The following CACNA2D3 variants were observed in gnomAD, a reference collection of about 807,000 sequenced individuals.
The protein encoded by CACNA2D3 is voltage-dependent calcium channel subunit alpha-2/delta-3.
CACNA2D3 carries 60 observed loss-of-function variants against 160.6 expected under a neutral mutation model. The observed-to-expected ratio is 0.37, with a 90% CI of 0.30 to 0.46. CACNA2D3 has a LOEUF of 0.46. CACNA2D3 is among the 20% of genes least tolerant of loss of function. The pLI is 1.00. For synonymous variants in CACNA2D3, 558 were observed against 492.9 expected, an observed-to-expected ratio of 1.13 and a Z score of -1.75; for missense variants, 1,205 against 1,365.0, an observed-to-expected ratio of 0.88 and a Z score of 1.85.
intron 29 of CACNA2D3, among the ~76,000 whole-genome samples, chr3:54,975,521 CAAAAAAAAAAAAAA>C (rs55819960): frequency 1.0e-4 from 8 of 77,772 alleles, no homozygotes; most frequent in Admixed American, 7.9e-4. Context: ...ACTTGGTCTC[CAAAAAAAAAAAAAA>C]AAAAAAAAAA....
At chr3:55,073,234 G>A (rs894242749) in intron 35 of CACNA2D3, among the ~76,000 whole-genome samples, 1 of 152,180 alleles carries the variant, frequency 6.6e-6, no homozygotes, top group African/African-American at 2.4e-5. Context: ...TGAGCCGCAT[G>A]TCGTCATAGC....
chr3:54,626,122 GA>G, intron 9 of CACNA2D3: 1 of 618,578 alleles, frequency 1.6e-6, no homozygotes, highest in South Asian at 2.0e-5. Context: ...CCTTTGGGGA[GA>G]AAATAATCCA....
At chr3:55,019,106 T>TCTTTCTTTCTTTCTTTCTTTCTTTCTTC (rs1703392769) in intron 35 of CACNA2D3, among the ~76,000 whole-genome samples, 1 of 151,668 alleles carries the variant, frequency 6.6e-6, no homozygotes, top group African/African-American at 2.4e-5. Context: ...TTTCTTTCTT[T>TCTTTCTTTCTTTCTTTCTTTCTTTCTTC]CTTTTTTTAA....
intron 9 of CACNA2D3, among the ~76,000 whole-genome samples, chr3:54,623,099 C>T (rs1000390521): frequency 6.6e-6 from 1 of 152,128 alleles, no homozygotes; most frequent in Admixed American, 6.5e-5. Context: ...TTAAGTGGCC[C>T]ACATCAGCTA....
chr3:54,123,274 C>T (rs562717122), intron 1 of CACNA2D3, among the ~76,000 whole-genome samples: 29 of 151,598 alleles, frequency 1.9e-4, no homozygotes, highest in Non-Finnish European at 3.7e-4. Context: ...TTTTAGAGAG[C>T]CTGGGAGACT....
chr3:54,285,297 C>T (rs373074576), intron 2 of CACNA2D3, among the ~76,000 whole-genome samples: 5 of 152,280 alleles, frequency 3.3e-5, no homozygotes, highest in South Asian at 2.1e-4. Flanking sequence ...TCACCTGGCT[C>T]GGAGGGTCCT....
At chr3:54,978,717 A>G (rs1232460903) in intron 29 of CACNA2D3, among the ~76,000 whole-genome samples, 1 of 152,236 alleles carries the variant, frequency 6.6e-6, no homozygotes, top group African/African-American at 2.4e-5. Flanking sequence ...CATGCCCAGA[A>G]TTAGAATATT....
At chr3:54,443,434 G>T (rs1245989421) in intron 4 of CACNA2D3, among the ~76,000 whole-genome samples, 2 of 152,192 alleles carry the variant, frequency 1.3e-5, no homozygotes, top group Non-Finnish European at 2.9e-5. Context: ...TTGGCAGGTT[G>T]CAGTTTCTGT....
intron 2 of CACNA2D3, among the ~76,000 whole-genome samples, chr3:54,317,600 C>T (rs995991167): frequency 6.6e-6 from 1 of 151,988 alleles, no homozygotes; most frequent in Non-Finnish European, 1.5e-5. Context: ...TGCAATGGCG[C>T]GATCGCGGCT....
chr3:55,016,179 T>C (rs1325713513), intron 34 of CACNA2D3, among the ~76,000 whole-genome samples: 1 of 152,126 alleles, frequency 6.6e-6, no homozygotes, highest in Non-Finnish European at 1.5e-5. Context: ...GTACAATCAG[T>C]GTAGTCAGGA....
intron 3 of CACNA2D3, among the ~76,000 whole-genome samples, chr3:54,322,774 G>C (rs754716827): frequency 6.6e-6 from 1 of 151,812 alleles, no homozygotes. Context: ...TAGCGTCTTC[G>C]TATTGCCTAA....
intron 13 of CACNA2D3, among the ~76,000 whole-genome samples, chr3:54,803,335 G>C (rs192538397): frequency 3.3e-5 from 5 of 152,238 alleles, no homozygotes; most frequent in African/African-American, 4.8e-5. Context: ...GAATGTATAA[G>C]TAGAATAACC....
chr3:54,460,599 T>A (rs1005221111), intron 4 of CACNA2D3, among the ~76,000 whole-genome samples: 1 of 152,184 alleles, frequency 6.6e-6, no homozygotes, highest in Non-Finnish European at 1.5e-5. Context: ...TGTATAAGAA[T>A]GCTTGTGATT....
intron 27 of CACNA2D3, among the ~76,000 whole-genome samples, chr3:54,913,662 C>A (rs1304238995): frequency 6.6e-6 from 1 of 152,156 alleles, no homozygotes; most frequent in Non-Finnish European, 1.5e-5. Context: ...GGTTGGGTTT[C>A]TTTGCCCTGC....
intron 13 of CACNA2D3, among the ~76,000 whole-genome samples, chr3:54,765,145 G>A (rs1045555489): frequency 1.2e-4 from 18 of 152,144 alleles, no homozygotes; most frequent in African/African-American, 4.1e-4. Context: ...CCTCCAGAGT[G>A]ATCTCAATGG....
intron 2 of CACNA2D3, among the ~76,000 whole-genome samples, chr3:54,171,345 G>A (rs1337226137): frequency 6.6e-6 from 1 of 151,746 alleles, no homozygotes; most frequent in African/African-American, 2.4e-5. Flanking sequence ...AGTCTTCGTG[G>A]TTGTAGTTTT....
At chr3:55,073,410 G>GTAAA in intron 35 of CACNA2D3, 35 bp from the exon 36 acceptor site, 1 of 1,506,316 alleles carries the variant, frequency 6.6e-7, no homozygotes, top group Non-Finnish European at 9.2e-7. Context: ...TTGACGGATG[G>GTAAA]TAAATGACTG....
At chr3:54,629,014 CTTGA>C (rs1699179543) in intron 10 of CACNA2D3, among the ~76,000 whole-genome samples, 1 of 152,246 alleles carries the variant, frequency 6.6e-6, no homozygotes, top group African/African-American at 2.4e-5. Context: ...TTAGAAAGAC[CTTGA>C]TTCTTTCCTT....
At chr3:55,013,378 G>T (rs1473896073) in intron 34 of CACNA2D3, among the ~76,000 whole-genome samples, 1 of 152,060 alleles carries the variant, frequency 6.6e-6, no homozygotes, top group Non-Finnish European at 1.5e-5. Flanking sequence ...CCCTCTGCTG[G>T]GCATCAATAT....
Sources: allele counts gnomAD v4.1 joint callset (sites outside exome capture counted in the v4.1 genomes callset), GRCh38; gene constraint gnomAD v4.1.1; transcripts MANE v1.5; gene names NCBI Gene and HGNC (gene_info 2026-07-23, HGNC 2026-07-21).